Variants in VCL observed in about 807,000 individuals in gnomAD.
The protein encoded by VCL is vinculin.
A neutral mutation model predicts 125.7 loss-of-function variants in VCL; 47 were observed. The ratio of observed to expected loss-of-function variants is 0.37; its 90% CI spans 0.30 to 0.48. VCL has a LOEUF of 0.48. Ranked by LOEUF, VCL falls within the 20% of genes least tolerant of loss-of-function variation. The pLI, the probability that VCL is intolerant of heterozygous loss-of-function variation, is 0.99. For missense variants in VCL, 1,069 were observed against 1,455.5 expected (o/e 0.73, Z 4.32); for synonymous variants, 458 against 514.6 (o/e 0.89, Z 1.49).
intron 8 of VCL, among the ~76,000 whole-genome samples, chr10:74,087,255 T>TG (rs946810582): frequency 1.3e-4 from 19 of 151,674 alleles, no homozygotes; most frequent in Admixed American, 3.9e-4. Flanking sequence ...AATAAATGAA[T>TG]GATTCATTAC....
intron 6 of VCL, among the ~76,000 whole-genome samples, chr10:74,081,869 A>G (rs553342010): frequency 1.3e-5 from 2 of 152,318 alleles, no homozygotes; most frequent in Admixed American, 1.3e-4. Context: ...TCTAAATTAT[A>G]TTACTTTGAG....
chr10:74,039,592 G>A (rs890370891), intron 1 of VCL, among the ~76,000 whole-genome samples: 8 of 151,640 alleles, frequency 5.3e-5, no homozygotes, highest in Non-Finnish European at 1.0e-4. Context: ...AGACCAGCCT[G>A]GGAAACATAG....
rs1437359536 is a variant in VCL at position 74,090,091 on chromosome 10, T to C, written c.1245T>C (p.Ala415=). 6.2e-7 allele frequency: 1 copy of C among 1,614,180 alleles called. No individual in the cohort carries two copies. Among genetic ancestry groups the C allele is most frequent in the African/African-American group, 1.3e-5 (1 of 75,060 alleles). Residue 415 remains alanine (A), a synonymous_variant, in exon 10 of 22, where the codon GCT becomes GCC. Transcript: ENST00000211998. ...EEQIRGALAE[A]RKIAELCDDP... Reference sequence around the variant, plus strand: ...AGATTCGAGGTGCTTTGGCTGAAGCTCGGAAAATAGCAGAATTATGTGATG... The same window carrying C: ...AGATTCGAGGTGCTTTGGCTGAAGCCCGGAAAATAGCAGAATTATGTGATG...
chr10:74,070,941 C>A lies in VCL; in HGVS notation c.391-34C>A, dbSNP rs201951094. The A allele has an allele frequency of 3.0e-5, 49 of 1,612,208 alleles. No homozygotes were observed. The East Asian group carries it at 1.1e-3, about 35-fold the overall frequency. ...GTTACCGTGTTTGCTAGTTGTCCAC[C>A]CATGTGATTGAATACTCTGAAATAT... On this transcript the variant is annotated intron_variant, in intron 3 of 21. Coordinates refer to ENST00000211998, the MANE Select transcript of VCL (RefSeq NM_014000.3).
intron 1 of VCL, among the ~76,000 whole-genome samples, chr10:74,000,056 G>C (rs940873028): frequency 6.6e-6 from 1 of 152,100 alleles, no homozygotes; most frequent in Non-Finnish European, 1.5e-5. Flanking sequence ...GTAGTCTAGG[G>C]GTTGATATCT....
chr10:74,096,780 A>G (rs1327452208), intron 12 of VCL, among the ~76,000 whole-genome samples: 2 of 152,270 alleles, frequency 1.3e-5, no homozygotes, highest in Non-Finnish European at 2.9e-5. Context: ...TAAATTGCTT[A>G]GAATTTGGCA....
At chr10:74,035,311 C>G (rs1423151893) in intron 1 of VCL, among the ~76,000 whole-genome samples, 1 of 149,690 alleles carries the variant, frequency 6.7e-6, no homozygotes, top group Non-Finnish European at 1.5e-5. Flanking sequence ...CAAACCAAAT[C>G]GAGTAGATTG....
chr10:74,082,073 G>T (rs1023597526), intron 6 of VCL, among the ~76,000 whole-genome samples: 1 of 152,130 alleles, frequency 6.6e-6, no homozygotes, highest in South Asian at 2.1e-4. Flanking sequence ...AGGTGGGAAG[G>T]GCTTTGGCAA....
chr10:74,107,150 G>A, intron 16 of VCL, 80 bp from the exon 17 acceptor site: 1 of 1,610,720 alleles, frequency 6.2e-7, no homozygotes, highest in South Asian at 1.1e-5. Flanking sequence ...TTTTGTTCAT[G>A]GAACCAGTTC....
At chr10:74,083,164 C>CT (rs1839706245) in intron 7 of VCL, among the ~76,000 whole-genome samples, 1 of 152,254 alleles carries the variant, frequency 6.6e-6, no homozygotes. Flanking sequence ...TTCCAAGTAT[C>CT]TTTTTTTGCG....
intron 1 of VCL, among the ~76,000 whole-genome samples, chr10:74,000,477 C>G (rs1161391243): frequency 1.3e-5 from 2 of 151,982 alleles, no homozygotes; most frequent in South Asian, 2.1e-4. Flanking sequence ...TGCAGTGACA[C>G]GATCTGGGCC....
At chr10:74,005,547 C>T (rs1265336049) in intron 1 of VCL, among the ~76,000 whole-genome samples, 1 of 152,018 alleles carries the variant, frequency 6.6e-6, no homozygotes, top group Admixed American at 6.5e-5. Context: ...TGAGCCATTG[C>T]ACCCAGCCAG....
At position 74,065,994 on chromosome 10, in the gene VCL, A is replaced by G. The variant is rs558273414; in HGVS notation, c.240-4676A>G. Among the ~76,000 whole-genome samples, 234 of 151,262 alleles carry G rather than the reference A, an allele frequency of 1.5e-3. 7 individuals carry two copies. In the South Asian group the frequency reaches 0.047, roughly 31 times the overall value. ...TATTAACACTAATAACAGAAACAAGAACCTAGAACACCTCTAACATCCAGC... is the reference window on the plus strand; with the variant it reads ...TATTAACACTAATAACAGAAACAAGGACCTAGAACACCTCTAACATCCAGC... On this transcript the variant is annotated intron_variant, in intron 2 of 21. Coordinates refer to ENST00000211998, the MANE Select transcript of VCL (RefSeq NM_014000.3).
intron 1 of VCL, among the ~76,000 whole-genome samples, chr10:74,025,421 C>G (rs925823833): frequency 1.3e-5 from 2 of 151,604 alleles, no homozygotes; most frequent in Non-Finnish European, 2.9e-5. Context: ...TGAGACCAGC[C>G]TAGGCAACAT....
chr10:74,103,489 G>C (rs1485073664), intron 14 of VCL, among the ~76,000 whole-genome samples: 1 of 152,094 alleles, frequency 6.6e-6, no homozygotes, highest in African/African-American at 2.4e-5. Context: ...CCTTCTTAAT[G>C]GTGATTTTTA....
rs1839997558 is a variant in VCL, at chr10:74,097,990, A to T, written c.1872+658A>T. ...TTCAACATGAAGTCACTGAAACCTGAGTTGGGAAGAGATGGACATGTTTCG... is the reference window on the plus strand; with the variant it reads ...TTCAACATGAAGTCACTGAAACCTGTGTTGGGAAGAGATGGACATGTTTCG... On this transcript the variant is annotated intron_variant, in intron 13 of 21. Transcript: ENST00000211998. The surrounding 1 kb of genome is among the most constrained non-coding windows in gnomAD (Gnocchi z 4.1). 6.6e-6 allele frequency among the ~76,000 whole-genome samples: 1 copy of T among 152,186 alleles called. No homozygotes were observed. Among genetic ancestry groups the T allele is most frequent in the Non-Finnish European group, 1.5e-5 (1 of 68,022 alleles).
chr10:74,086,220 T>G (rs1037255868), intron 8 of VCL, among the ~76,000 whole-genome samples: 1 of 152,220 alleles, frequency 6.6e-6, no homozygotes, highest in East Asian at 1.9e-4. Flanking sequence ...CCAAGATCAC[T>G]TCTATCATCT....
chr10:74,057,261 A>T (rs905653530), intron 2 of VCL, among the ~76,000 whole-genome samples: 14 of 151,940 alleles, frequency 9.2e-5, no homozygotes, highest in African/African-American at 3.4e-4. Flanking sequence ...TTATTATTTA[A>T]AAAAAAATTA....
Position 74,043,079 on chromosome 10 carries a change from G to A in VCL, c.169-4G>A, listed in dbSNP as rs771888532. The A allele has an allele frequency of 1.9e-6, 3 of 1,611,788 alleles. No homozygotes were observed. The highest frequency in any genetic ancestry group is 1.7e-5 in the Admixed American group (1 of 59,918). The stretch of plus-strand genomic sequence containing the variant: ...TTGAATTATGATTTTTTTTCCTCTT[G>A]TAGGTTGGAAAAGAGACTGTTCAAA... On this transcript the variant is annotated splice_region_variant and splice_polypyrimidine_tract_variant and intron_variant, in intron 1 of 21. Transcript: ENST00000211998.
Sources: allele counts gnomAD v4.1 joint callset (sites outside exome capture counted in the v4.1 genomes callset), GRCh38; gene constraint gnomAD v4.1.1; non-coding constraint Gnocchi (gnomAD v3.1); transcripts MANE v1.5; gene names NCBI Gene and HGNC (gene_info 2026-07-23, HGNC 2026-07-21).